Variants in NBAS observed in about 807,000 individuals in gnomAD.
NBAS encodes the protein NBAS subunit of NRZ tethering complex.
NBAS carries 219 observed loss-of-function variants against 302.5 expected under a neutral mutation model. That is an observed-to-expected ratio of 0.72 (90% CI 0.65 to 0.81). NBAS has a LOEUF of 0.81. Among genes scored for constraint, NBAS ranks in the 30% least tolerant of loss-of-function variants. The pLI is 0.00. For synonymous variants in NBAS, 1,118 were observed against 1,021.6 expected (o/e 1.09, Z -1.80); for missense variants, 2,932 against 2,841.6 (o/e 1.03, Z -0.72).
chr2:15,410,259 A>T (rs1169799436), intron 25 of NBAS, among the ~76,000 whole-genome samples: 1 of 152,206 alleles, frequency 6.6e-6, no homozygotes, highest in Non-Finnish European at 1.5e-5. Flanking sequence ...ACCAAGTAAT[A>T]ACATGTAGAA....
chr2:15,341,805 A>G (rs947614997), intron 35 of NBAS, among the ~76,000 whole-genome samples: 1 of 152,174 alleles, frequency 6.6e-6, no homozygotes, highest in Non-Finnish European at 1.5e-5. Context: ...ATAAGTAAAG[A>G]TATTATCCCA....
At chr2:15,406,330 A>C (rs1003526718) in intron 25 of NBAS, among the ~76,000 whole-genome samples, 2 of 152,098 alleles carry the variant, frequency 1.3e-5, no homozygotes, top group East Asian at 3.8e-4. Flanking sequence ...GTAATGGTAA[A>C]CTTTTTAATA....
chr2:15,219,193 T>C lies in NBAS; in HGVS notation c.6237-225A>G, dbSNP rs537611797. ...ATTTTAAAACAGTATCATATTAAAATGAGTTATATAAAGCAGATAAACATC... is the reference window on the plus strand; with the variant it reads ...ATTTTAAAACAGTATCATATTAAAACGAGTTATATAAAGCAGATAAACATC... On this transcript the variant is annotated intron_variant, in intron 47 of 51. Coordinates refer to ENST00000281513, the MANE Select transcript of NBAS (RefSeq NM_015909.4). Among the ~76,000 whole-genome samples the C allele has an allele frequency of 2.6e-5, 4 of 152,344 alleles. No individual in the cohort carries two copies. In the South Asian group the frequency reaches 8.3e-4, roughly 32 times the overall value.
chr2:15,316,399 G>T (rs554496236), intron 38 of NBAS, among the ~76,000 whole-genome samples: 1 of 152,212 alleles, frequency 6.6e-6, no homozygotes, highest in Admixed American at 6.5e-5. Flanking sequence ...CACAGAGGGC[G>T]AGATGAAGTA....
the NBAS span, among the ~76,000 whole-genome samples, chr2:14,813,674 A>C: frequency 6.6e-6 from 1 of 152,234 alleles, no homozygotes; most frequent in Admixed American, 6.5e-5. Flanking sequence ...ATATAACTTT[A>C]CTTATATGTA....
In NBAS at chr2:15,232,477, G is replaced by A. The variant is rs781102337; in HGVS notation, c.6181C>T (p.Pro2061Ser). 3.1e-6 allele frequency: 5 copies of A among 1,613,854 alleles called. No individual in the cohort carries two copies. Among genetic ancestry groups the A allele is most frequent in the South Asian group, 2.2e-5 (2 of 91,086 alleles). Residue 2061 changes from proline to serine, a missense_variant, in exon 47 of 52, where the codon CCA becomes TCA. Physicochemically the swap from Pro to Ser is moderately conservative, Grantham distance 74. Transcript: ENST00000281513. Reference sequence around the variant, plus strand: ...ACAACACCTTCCAGGACCTTCAGTGGGTCCCTTGGCCCACCAAGGTCAGCA... The same window carrying A: ...ACAACACCTTCCAGGACCTTCAGTGAGTCCCTTGGCCCACCAAGGTCAGCA... ...GSADLGGPRD[P>S]LKVLEGVVAA...
chr2:15,396,529 T>A, intron 26 of NBAS, 54 bp from the exon 27 acceptor site: 1 of 1,218,326 alleles, frequency 8.2e-7, no homozygotes, highest in South Asian at 1.5e-5. Flanking sequence ...ATTAGCTTTT[T>A]AAATAAAATA....
intron 23 of NBAS, among the ~76,000 whole-genome samples, chr2:15,419,645 T>C (rs939684423): frequency 3.9e-5 from 6 of 152,246 alleles, no homozygotes; most frequent in Admixed American, 3.3e-4. Context: ...TTGATACAGA[T>C]GCCCAATAGT....
chr2:14,983,901 C>G, the NBAS span, among the ~76,000 whole-genome samples: 18 of 152,238 alleles, frequency 1.2e-4, no homozygotes, highest in African/African-American at 3.9e-4. Context: ...CCTGGCAACA[C>G]AGGAGTCATG....
At chr2:15,543,673 CAGATCTCGTG>C (rs1254599334) in intron 6 of NBAS, among the ~76,000 whole-genome samples, 1 of 152,174 alleles carries the variant, frequency 6.6e-6, no homozygotes, top group South Asian at 2.1e-4. Flanking sequence ...ATAAAACCAT[CAGATCTCGTG>C]AGACTTATTC....
chr2:15,284,810 T>C (rs1447652241), intron 42 of NBAS, among the ~76,000 whole-genome samples: 2 of 152,230 alleles, frequency 1.3e-5, no homozygotes, highest in Admixed American at 1.3e-4. Context: ...CACCACTTAC[T>C]AAATCAATAT....
chr2:15,202,159 G>C (rs1665905947), intron 48 of NBAS, among the ~76,000 whole-genome samples: 1 of 152,162 alleles, frequency 6.6e-6, no homozygotes, highest in South Asian at 2.1e-4. Context: ...CAGGAATGTA[G>C]GCTCCCAAGC....
the NBAS span, among the ~76,000 whole-genome samples, chr2:15,020,076 C>G: frequency 6.6e-6 from 1 of 152,218 alleles, no homozygotes; most frequent in East Asian, 1.9e-4. Flanking sequence ...TATTTTGGAA[C>G]TGGAAGGTCA....
At chr2:15,140,138 C>G in the NBAS span, among the ~76,000 whole-genome samples, 1 of 152,220 alleles carries the variant, frequency 6.6e-6, no homozygotes, top group Non-Finnish European at 1.5e-5. Flanking sequence ...CATAGAGAGG[C>G]CACGTGTAAG....
At chr2:15,437,744 T>C (rs1290550117) in intron 21 of NBAS, among the ~76,000 whole-genome samples, 1 of 152,186 alleles carries the variant, frequency 6.6e-6, no homozygotes, top group Admixed American at 6.5e-5. Flanking sequence ...CAAACCTTTA[T>C]TGAACAACTA....
chr2:15,474,122 T>A lies in NBAS; in HGVS notation c.1544A>T (p.Asn515Ile), dbSNP rs777419943. ...GGAGCGCAAACTCACAAGGCGGTAG[T>A]TTTTAGTAATGGTTCGTGGGCGTTT... ...PRKRPRTITKNYRLVSLRSTT... is the reference protein window; with the variant it reads ...PRKRPRTITKIYRLVSLRSTT... The change falls in exon 15 of 52, where the codon AAC becomes ATC. Residue 515 changes from asparagine (N) to isoleucine (I), a missense_variant. Physicochemically the swap from Asn to Ile is moderately radical, Grantham distance 149. Coordinates refer to ENST00000281513, the MANE Select transcript of NBAS (RefSeq NM_015909.4). 6.2e-7 allele frequency: 1 copy of A among 1,614,096 alleles called. No individual in the cohort carries two copies. Among genetic ancestry groups the A allele is most frequent in the East Asian group, 2.2e-5 (1 of 44,884 alleles).
At chr2:14,842,846 C>CAA in the NBAS span, among the ~76,000 whole-genome samples, 54 of 74,056 alleles carry the variant, frequency 7.3e-4, no homozygotes, top group South Asian at 3.7e-3. Context: ...CAGAAAATGA[C>CAA]AAAAAAAAAA....
At chr2:14,990,229 A>G in the NBAS span, among the ~76,000 whole-genome samples, 1 of 147,476 alleles carries the variant, frequency 6.8e-6, no homozygotes, top group Non-Finnish European at 1.5e-5. Flanking sequence ...CCTGGCTGAC[A>G]TGGTGAAACC....
At chr2:15,205,784 C>G (rs957334277) in intron 48 of NBAS, among the ~76,000 whole-genome samples, 4 of 152,080 alleles carry the variant, frequency 2.6e-5, no homozygotes, top group Non-Finnish European at 5.9e-5. Context: ...CCTTCCACCC[C>G]CTCTCTCTCC....
Sources: allele counts gnomAD v4.1 joint callset (sites outside exome capture counted in the v4.1 genomes callset), GRCh38; gene constraint gnomAD v4.1.1; transcripts MANE v1.5; gene names NCBI Gene and HGNC (gene_info 2026-07-23, HGNC 2026-07-21).